The following TMEM178B variants were observed in gnomAD, a reference collection of about 807,000 sequenced individuals.
TMEM178B encodes transmembrane protein 178B.
In TMEM178B, 5 loss-of-function variants were observed where a neutral mutation model predicts 31.0. The observed-to-expected ratio is 0.16, with a 90% CI of 0.08 to 0.34. The LOEUF (loss-of-function observed/expected upper bound fraction) is 0.34, where lower values mean the gene tolerates loss of function less well. Ranked by LOEUF, TMEM178B falls within the 10% of genes least tolerant of loss-of-function variation. The pLI is 1.00. For synonymous variants in TMEM178B, 164 were observed against 164.0 expected (o/e 1.00, Z 0.00); for missense variants, 275 against 400.3 (o/e 0.69, Z 2.67).
intron 2 of TMEM178B, among the ~76,000 whole-genome samples, chr7:141,215,782 CTT>C (rs1797124195): frequency 9.7e-5 from 4 of 41,298 alleles, no homozygotes; most frequent in African/African-American, 5.1e-4. Context: ...ACTTTCCTTT[CTT>C]TCTTTCTTTC....
chr7:141,081,874 C>T (rs754613693), intron 1 of TMEM178B, among the ~76,000 whole-genome samples: 1 of 152,136 alleles, frequency 6.6e-6, no homozygotes, highest in Non-Finnish European at 1.5e-5. Flanking sequence ...CACTGACTCA[C>T]CCAAAGCAAC....
intron 2 of TMEM178B, among the ~76,000 whole-genome samples, chr7:141,285,110 A>G (rs189695192): frequency 3.5e-5 from 5 of 143,194 alleles, no homozygotes; most frequent in Admixed American, 7.0e-5. Context: ...TTTTCCACTA[A>G]TGTCCCTTTT....
chr7:141,452,847 C>A (rs1801891734), intron 3 of TMEM178B, among the ~76,000 whole-genome samples: 1 of 152,204 alleles, frequency 6.6e-6, no homozygotes, highest in Non-Finnish European at 1.5e-5. Flanking sequence ...TACATCATTT[C>A]TCTGGTGAAA....
At chr7:141,182,034 C>A (rs1004309749) in intron 1 of TMEM178B, among the ~76,000 whole-genome samples, 11 of 152,216 alleles carry the variant, frequency 7.2e-5, no homozygotes, top group African/African-American at 2.7e-4. Flanking sequence ...AGTCTTTTCA[C>A]CCAGCCCTGC....
At chr7:141,496,329 C>A in the TMEM178B span, among the ~76,000 whole-genome samples, 1 of 152,072 alleles carries the variant, frequency 6.6e-6, no homozygotes, top group Non-Finnish European at 1.5e-5. Context: ...GGTATGTGAT[C>A]CATATAAGGA....
intron 2 of TMEM178B, among the ~76,000 whole-genome samples, chr7:141,351,480 C>A (rs1413642954): frequency 6.6e-6 from 1 of 152,212 alleles, no homozygotes; most frequent in Non-Finnish European, 1.5e-5. Context: ...CACAGGTGTG[C>A]AAGGACAAGG....
chr7:141,399,996 C>G (rs1204461906), intron 2 of TMEM178B, among the ~76,000 whole-genome samples: 4 of 152,104 alleles, frequency 2.6e-5, no homozygotes, highest in African/African-American at 9.7e-5. Context: ...AATCAGTCTC[C>G]CATGTGTCAA....
intron 1 of TMEM178B, among the ~76,000 whole-genome samples, chr7:141,177,984 A>G (rs1796461123): frequency 1.3e-5 from 2 of 152,188 alleles, no homozygotes; most frequent in East Asian, 3.8e-4. Context: ...TCTTGCCATT[A>G]TGATGCTAGC....
In TMEM178B at chr7:141,473,902, G is replaced by A. The variant is rs891816181; in HGVS notation, c.*3116G>A. On this transcript the variant is annotated 3_prime_UTR_variant, in exon 4 of 4. Coordinates refer to ENST00000565468, the MANE Select transcript of TMEM178B (RefSeq NM_001195278.2). ...AAAACATGTGACTCCAACCAGTTAC[G>A]GAAGCTTTCTGGCTGTGAGGTAGCT... 15 of 152,374 alleles carry A rather than the reference G, an allele frequency of 9.8e-5. No homozygotes were observed. The highest frequency in any genetic ancestry group is 2.2e-4 in the African/African-American group (9 of 41,552). The allele number at this position is 152,374 out of a possible 1,614,324, so 9.4% of individuals were successfully genotyped here.
At chr7:141,441,452 C>T (rs577673704) in intron 3 of TMEM178B, among the ~76,000 whole-genome samples, 3 of 152,322 alleles carry the variant, frequency 2.0e-5, no homozygotes, top group East Asian at 1.9e-4. Flanking sequence ...AGAAAGGCCC[C>T]GTGGCCTTAG....
intron 2 of TMEM178B, among the ~76,000 whole-genome samples, chr7:141,232,056 C>T (rs1357773953): frequency 2.0e-5 from 3 of 152,076 alleles, no homozygotes; most frequent in Admixed American, 6.5e-5. Flanking sequence ...TGAGAACATG[C>T]GGTGTTTGGT....
chr7:141,215,834 CTTTCT>C lies in TMEM178B; in HGVS notation c.496+3148_496+3152del, dbSNP rs199829606. ...TCTTTCTTTCTTTCTTTCTTTCTTT[CTTTCT>C]TTTCTTTTCTTTTCTTTCTCTTTCT... On this transcript the variant is annotated intron_variant, in intron 2 of 3. Coordinates refer to ENST00000565468, the MANE Select transcript of TMEM178B (RefSeq NM_001195278.2). Among the ~76,000 whole-genome samples, 113 of 28,874 alleles carry C rather than the reference CTTTCT, an allele frequency of 3.9e-3. 2 individuals carry two copies. Among genetic ancestry groups the C allele is most frequent in the Middle Eastern group, 0.02 (1 of 50 alleles). The allele number at this position is 28,874 out of a possible 152,430, so 18.9% of individuals were successfully genotyped here. A position where few individuals can be genotyped will look rare whatever the true frequency, so the allele number is the denominator to read the frequency against.
intron 2 of TMEM178B, among the ~76,000 whole-genome samples, chr7:141,281,744 C>A (rs79786073): frequency 0.021 from 3,270 of 152,198 alleles, 143 homozygotes; most frequent in East Asian, 0.14. Context: ...GGGGGAGATA[C>A]TTTCAGCAGA....
chr7:141,097,422 A>T (rs1794981265), intron 1 of TMEM178B, among the ~76,000 whole-genome samples: 1 of 151,894 alleles, frequency 6.6e-6, no homozygotes, highest in Non-Finnish European at 1.5e-5. Flanking sequence ...CTAGGTTAAC[A>T]CAATACATGT....
chr7:141,350,124 G>A (rs1799693614), intron 2 of TMEM178B, among the ~76,000 whole-genome samples: 4 of 152,098 alleles, frequency 2.6e-5, no homozygotes, highest in Admixed American at 2.6e-4. Context: ...ATAAGACACA[G>A]TATCTACCTT....
At chr7:141,319,994 C>G (rs1209370855) in intron 2 of TMEM178B, among the ~76,000 whole-genome samples, 2 of 152,026 alleles carry the variant, frequency 1.3e-5, no homozygotes, top group African/African-American at 2.4e-5. Context: ...TTGTAATCCC[C>G]ACATGTTGAG....
chr7:141,222,732 G>T (rs1175037219), intron 2 of TMEM178B, among the ~76,000 whole-genome samples: 1 of 152,206 alleles, frequency 6.6e-6, no homozygotes, highest in Non-Finnish European at 1.5e-5. Context: ...CTTGGTGAGT[G>T]TTGGGGGTTT....
chr7:141,295,413 C>T (rs1798614726), intron 2 of TMEM178B, among the ~76,000 whole-genome samples: 1 of 152,156 alleles, frequency 6.6e-6, no homozygotes, highest in Non-Finnish European at 1.5e-5. Flanking sequence ...AGGTGTAATC[C>T]ACTATTTTTT....
At position 141,340,791 on chromosome 7, in the gene TMEM178B, A is replaced by G. The variant is rs527664099; in HGVS notation, c.497-96817A>G. Among the ~76,000 whole-genome samples, 5 of 152,344 alleles carry G rather than the reference A, an allele frequency of 3.3e-5. No homozygotes were observed. In the East Asian group the frequency reaches 5.8e-4, roughly 18 times the overall value. ...CATTGACGGATTTTATAAATATTGC[A>G]TGAGCCTAGTACACTTTTAGAAAAC... On this transcript the variant is annotated intron_variant, in intron 2 of 3. Transcript: ENST00000565468.
Sources: allele counts gnomAD v4.1 joint callset (sites outside exome capture counted in the v4.1 genomes callset), GRCh38; gene constraint gnomAD v4.1.1; transcripts MANE v1.5; gene names NCBI Gene and HGNC (gene_info 2026-07-23, HGNC 2026-07-21).